The following KLHL1 variants were observed in gnomAD, a reference collection of about 807,000 sequenced individuals.
The protein encoded by KLHL1 is kelch like family member 1, also known as kelch-like protein 1.
Under a neutral mutation model 77.7 loss-of-function variants are expected in KLHL1, and 47 were observed. That is an observed-to-expected ratio of 0.60 (90% CI 0.48 to 0.77). The LOEUF (loss-of-function observed/expected upper bound fraction) is 0.77, where lower values mean the gene tolerates loss of function less well. KLHL1 is among the 30% of genes least tolerant of loss of function. The pLI is 0.00. For synonymous variants in KLHL1, 360 were observed against 325.2 expected (o/e 1.11, Z -1.15); for missense variants, 925 against 910.8 (o/e 1.02, Z -0.20).
intron 5 of KLHL1, among the ~76,000 whole-genome samples, chr13:69,876,070 C>G (rs1443698229): frequency 6.6e-6 from 1 of 151,974 alleles, no homozygotes; most frequent in Non-Finnish European, 1.5e-5. Flanking sequence ...TAATTTTTTC[C>G]TTTGTAAAGA....
chr13:69,737,691 G>T (rs549770094), intron 8 of KLHL1, among the ~76,000 whole-genome samples: 2 of 152,270 alleles, frequency 1.3e-5, no homozygotes, highest in South Asian at 4.1e-4. Context: ...GCCTCCCCAT[G>T]GGAATTTCAG....
intron 1 of KLHL1, among the ~76,000 whole-genome samples, chr13:69,992,529 T>C (rs1389761959): frequency 1.3e-5 from 2 of 152,036 alleles, no homozygotes; most frequent in Non-Finnish European, 2.9e-5. Context: ...TTGATGTTAC[T>C]ACAATCTACT....
At chr13:69,771,878 C>A (rs906293097) in intron 7 of KLHL1, among the ~76,000 whole-genome samples, 18 of 152,076 alleles carry the variant, frequency 1.2e-4, no homozygotes, top group African/African-American at 3.6e-4. Context: ...TTCAAAATAG[C>A]AAATACCACT....
At chr13:69,799,874 G>A (rs1877297978) in intron 6 of KLHL1, among the ~76,000 whole-genome samples, 1 of 152,106 alleles carries the variant, frequency 6.6e-6, no homozygotes, top group Non-Finnish European at 1.5e-5. Flanking sequence ...GGCACCCCGA[G>A]CTCCACCTTC....
intron 1 of KLHL1, among the ~76,000 whole-genome samples, chr13:70,086,572 CAA>C (rs1211467536): frequency 2.7e-5 from 1 of 36,758 alleles, no homozygotes; most frequent in African/African-American, 9.5e-5. Context: ...AGCTCTGTCT[CAA>C]AAAAAAAAAA....
At chr13:69,934,387 T>A (rs1883102272) in intron 4 of KLHL1, among the ~76,000 whole-genome samples, 1 of 152,134 alleles carries the variant, frequency 6.6e-6, no homozygotes, top group Non-Finnish European at 1.5e-5. Context: ...CCTATATGTA[T>A]ACACAGACGT....
intron 6 of KLHL1, among the ~76,000 whole-genome samples, chr13:69,808,782 G>A (rs528778786): frequency 9.2e-5 from 14 of 152,094 alleles, no homozygotes; most frequent in South Asian, 6.2e-4. Context: ...AACTCAATAA[G>A]ATCTGAGAGA....
intron 8 of KLHL1, among the ~76,000 whole-genome samples, chr13:69,721,461 T>C (rs1186724612): frequency 2.0e-5 from 3 of 151,914 alleles, no homozygotes; most frequent in African/African-American, 2.4e-5. Flanking sequence ...TTAAATTGAC[T>C]GAGACCTGTC....
intron 4 of KLHL1, among the ~76,000 whole-genome samples, chr13:69,887,134 T>C (rs1180624622): frequency 6.6e-6 from 1 of 152,190 alleles, no homozygotes; most frequent in Non-Finnish European, 1.5e-5. Context: ...TTCTAATTCC[T>C]TAAGCGTCCT....
intron 6 of KLHL1, among the ~76,000 whole-genome samples, chr13:69,811,067 A>C (rs1423395678): frequency 1.3e-5 from 2 of 152,138 alleles, no homozygotes; most frequent in African/African-American, 4.8e-5. Flanking sequence ...TACCAATCTT[A>C]CTGAAACAAT....
intron 4 of KLHL1, among the ~76,000 whole-genome samples, chr13:69,903,769 G>T (rs1222516095): frequency 6.9e-6 from 1 of 144,606 alleles, no homozygotes; most frequent in Admixed American, 7.2e-5. Flanking sequence ...AGCCTCCCGA[G>T]TAGCTGGGAT....
At chr13:69,904,027 A>G (rs1041533466) in intron 4 of KLHL1, among the ~76,000 whole-genome samples, 1 of 152,024 alleles carries the variant, frequency 6.6e-6, no homozygotes, top group African/African-American at 2.4e-5. Context: ...ACTTGAAATG[A>G]TCAGTAAAAT....
chr13:69,767,472 G>A (rs1875362320), intron 7 of KLHL1, among the ~76,000 whole-genome samples: 1 of 152,090 alleles, frequency 6.6e-6, no homozygotes, highest in Non-Finnish European at 1.5e-5. Context: ...TGAGGTGGGA[G>A]AATGGCTTGA....
At chr13:69,728,677 G>A (rs879265169) in intron 8 of KLHL1, among the ~76,000 whole-genome samples, 50 of 146,918 alleles carry the variant, frequency 3.4e-4, no homozygotes, top group Non-Finnish European at 5.9e-4. Context: ...GTGTGGTGAC[G>A]TATGCCTGTA....
intron 3 of KLHL1, among the ~76,000 whole-genome samples, chr13:69,957,576 G>C (rs1268317611): frequency 6.6e-6 from 1 of 151,680 alleles, no homozygotes; most frequent in African/African-American, 2.4e-5. Flanking sequence ...AATATACACC[G>C]TGACCCTCTT....
intron 4 of KLHL1, among the ~76,000 whole-genome samples, chr13:69,896,670 A>ATTT (rs555215455): frequency 7.7e-5 from 11 of 143,588 alleles, no homozygotes; most frequent in African/African-American, 2.8e-4. Context: ...AAGTATTAAA[A>ATTT]TTTTTTTTTT....
chr13:69,813,139 C>A (rs1051500808), intron 6 of KLHL1, among the ~76,000 whole-genome samples: 12 of 152,190 alleles, frequency 7.9e-5, no homozygotes, highest in Non-Finnish European at 2.9e-5. Flanking sequence ...GAATACTATG[C>A]AGCCATGAAA....
intron 5 of KLHL1, among the ~76,000 whole-genome samples, chr13:69,857,052 G>A (rs931820009): frequency 1.3e-5 from 2 of 151,878 alleles, no homozygotes; most frequent in East Asian, 1.9e-4. Context: ...AGTAAATTCC[G>A]AACCTGATAG....
At chr13:70,075,588 TACACACACAC>T (rs772766804) in intron 1 of KLHL1, among the ~76,000 whole-genome samples, 2 of 121,992 alleles carry the variant, frequency 1.6e-5, no homozygotes, top group East Asian at 2.4e-4. Flanking sequence ...TATATATATA[TACACACACAC>T]ACATATATAT....
Sources: gnomAD v4.1 joint callset for allele counts (sites outside exome capture counted in the v4.1 genomes callset) on GRCh38, gnomAD v4.1.1 for gene constraint, MANE v1.5 for transcripts, NCBI Gene and HGNC (gene_info 2026-07-23, HGNC 2026-07-21) for gene names.